The following ALOX12B variants were observed in gnomAD, a reference collection of about 807,000 sequenced individuals.
The protein encoded by ALOX12B is arachidonate 12-lipoxygenase, 12R-type.
ALOX12B carries 47 observed loss-of-function variants against 78.9 expected under a neutral mutation model. The observed-to-expected ratio is 0.60, with a 90% CI of 0.47 to 0.76. The LOEUF is 0.76. ALOX12B is among the 30% of genes least tolerant of loss of function. The probability of loss-of-function intolerance (pLI) is 0.00; values close to 1 mark genes in which losing one functional copy is unlikely to be tolerated. For missense variants in ALOX12B, 805 were observed against 922.6 expected (o/e 0.87, Z 1.65); for synonymous variants, 370 against 374.5 (o/e 0.99, Z 0.14).
rs554804700 is a variant in ALOX12B at position 8,087,088 on chromosome 17, G to C, written c.147+208C>G. Among the ~76,000 whole-genome samples, 10 of 152,256 alleles carry C rather than the reference G, an allele frequency of 6.6e-5. No individual in the cohort carries two copies. The South Asian group carries it at 2.1e-3, about 32-fold the overall frequency. On this transcript the variant is annotated intron_variant, in intron 1 of 14. Transcript: ENST00000647874. ...GCTGGAAGCCAGCTCTGGACAAGGC[G>C]TGTAGAGCCACTGGGGAGCCCACTG...
chr17:8,081,322 G>C lies in ALOX12B; in HGVS notation c.353-135C>G, dbSNP rs377561506. 25 of 815,900 alleles carry C rather than the reference G, an allele frequency of 3.1e-5. No individual in the cohort carries two copies. The South Asian group carries it at 3.3e-4, about 11-fold the overall frequency. 50.5% of individuals were successfully genotyped at this position (815,900 alleles called of 1,614,324 possible). ...CCAAGGAGTGGGAAGGCTCACCTTG[G>C]GAGAGTGAAGGTGCGTCCTGTCCGG... is the stretch of plus-strand genomic sequence containing the variant. On this transcript the variant is annotated intron_variant, in intron 2 of 14. Coordinates refer to ENST00000647874, the MANE Select transcript of ALOX12B (RefSeq NM_001139.3).
rs149967531 is a variant in ALOX12B, at chr17:8,075,656, C to T, written c.1593G>A (p.Pro531=). The change falls in exon 12 of 15, where the codon CCG becomes CCA. Residue 531 remains proline (P), a synonymous_variant. Transcript: ENST00000647874. ...TTTCCTGCACCCAAGACTGCAATTC[C>T]GGATCACCCTCCACGGCTGCGTCAC... ...YPSDAAVEGD[P]ELQSWVQEIF... 1.5e-4 allele frequency: 237 copies of T among 1,614,050 alleles called. 1 individual carries two copies. Among genetic ancestry groups the T allele is most frequent in the Non-Finnish European group, 1.8e-4 (215 of 1,180,042 alleles).
chr17:8,073,341 G>A, intron 13 of ALOX12B, 23 bp from the exon 14 acceptor site: 1 of 1,613,912 alleles, frequency 6.2e-7, no homozygotes, highest in Non-Finnish European at 8.5e-7. Context: ...TAGAGGCGCG[G>A]GTCTGGGTGG....
At chr17:8,078,889 T>C (rs940809760) in intron 8 of ALOX12B, among the ~76,000 whole-genome samples, 1 of 137,062 alleles carries the variant, frequency 7.3e-6, no homozygotes, top group Non-Finnish European at 1.5e-5. Context: ...ATGTAAATAC[T>C]GGGACTTTTT....
chr17:8,086,346 A>C, intron 1 of ALOX12B, 126 bp from the exon 2 acceptor site: 1 of 958,782 alleles, frequency 1.0e-6, no homozygotes, highest in Non-Finnish European at 1.6e-6. Context: ...GGACTGACGG[A>C]GGGACAGGAT....
chr17:8,082,183 C>T (rs1451963652), intron 2 of ALOX12B, among the ~76,000 whole-genome samples: 7 of 152,230 alleles, frequency 4.6e-5, no homozygotes, highest in African/African-American at 9.6e-5. Context: ...GTGTGAATAG[C>T]GCCACAATAA....
intron 11 of ALOX12B, 122 bp downstream of exon 11, chr17:8,076,053 C>A: frequency 1.9e-5 from 25 of 1,344,770 alleles, no homozygotes; most frequent in Non-Finnish European, 2.6e-5. Context: ...CAGGCCCCTT[C>A]CCCAAGGCCA....
chr17:8,087,518 C>T lies in ALOX12B; in HGVS notation c.-76G>A. ...GGGCCACACGAAGGCCCAAGGCAGGCAAGAGAAGCCAGGCACAGAGTGGAG... is the reference window on the plus strand; with the variant it reads ...GGGCCACACGAAGGCCCAAGGCAGGTAAGAGAAGCCAGGCACAGAGTGGAG... On this transcript the variant is annotated 5_prime_UTR_variant, in exon 1 of 15. Coordinates refer to ENST00000647874, the MANE Select transcript of ALOX12B (RefSeq NM_001139.3). 6.2e-7 allele frequency: 1 copy of T among 1,606,566 alleles called. No individual in the cohort carries two copies. The highest frequency in any genetic ancestry group is 8.5e-7 in the Non-Finnish European group (1 of 1,177,972).
intron 12 of ALOX12B, among the ~76,000 whole-genome samples, 164 bp from the exon 13 acceptor site, chr17:8,073,921 A>C (rs890095503): frequency 6.6e-6 from 1 of 152,010 alleles, no homozygotes; most frequent in African/African-American, 2.4e-5. Flanking sequence ...CAGCAACCCC[A>C]TCTCCCCTCA....
Position 8,080,298 on chromosome 17 carries a change from G to C in ALOX12B, c.691C>G (p.His231Asp). 1 of 1,614,238 alleles carries C rather than the reference G, an allele frequency of 6.2e-7. No homozygotes were observed. The highest frequency in any genetic ancestry group is 8.5e-7 in the Non-Finnish European group (1 of 1,180,050). ...ATGTCCTTCAGCCTCTTCCACGAAT[G>C]TTTGCAGTCCAACAGGCCGCGGACT... ...FKVRGLLDCKHSWKRLKDIRK... is the reference protein window; with the variant it reads ...FKVRGLLDCKDSWKRLKDIRK... The change falls in exon 6 of 15, where the codon CAT (histidine) becomes GAT (aspartate). Residue 231 changes from histidine (H) to aspartate (D), a missense_variant. By Grantham distance (81) the His-to-Asp change is moderately conservative (BLOSUM62 -1). Coordinates refer to ENST00000647874, the MANE Select transcript of ALOX12B (RefSeq NM_001139.3). This position sits in a 1 kb window ranked among gnomAD's most constrained non-coding sequence, Gnocchi z 4.8.
intron 12 of ALOX12B, among the ~76,000 whole-genome samples, chr17:8,074,865 G>A (rs559698973): frequency 4.6e-5 from 7 of 152,314 alleles, no homozygotes; most frequent in Non-Finnish European, 1.0e-4. Context: ...GCTCCCATGC[G>A]GAACTCTCCG....
intron 8 of ALOX12B, among the ~76,000 whole-genome samples, chr17:8,078,807 A>C (rs752980107): frequency 1.3e-5 from 2 of 152,062 alleles, no homozygotes; most frequent in Non-Finnish European, 2.9e-5. Flanking sequence ...ATGAACTAGA[A>C]AAATGTGCCC....
rs749598763 is a variant in ALOX12B, at chr17:8,080,074, C to T, written c.755-133G>A. The T allele has an allele frequency of 1.3e-6, 2 of 1,486,486 alleles. No homozygotes were observed. Among genetic ancestry groups the T allele is most frequent in the African/African-American group, 1.4e-5 (1 of 72,314 alleles). The allele number at this position is 1,486,486 out of a possible 1,614,324, so 92.1% of individuals were successfully genotyped here. ...ACGAGGCCCCCAGCCTGGCGCTGAG[C>T]GGCCGGAGGAGCCCGGTGCGACATT... On this transcript the variant is annotated intron_variant, in intron 6 of 14. Transcript: ENST00000647874. This position sits in a 1 kb window ranked among gnomAD's most constrained non-coding sequence, Gnocchi z 4.8.
At position 8,076,361 on chromosome 17, in the gene ALOX12B, A is replaced by G. The variant is rs377210897; in HGVS notation, c.1363-17T>C. 3.8e-6 allele frequency: 6 copies of G among 1,583,512 alleles called. No individual in the cohort carries two copies. The African/African-American group carries it at 8.1e-5, about 21-fold the overall frequency. ...GGACATGCCCTGTGAGGAAGGAGGCAGATCCTGGAGCCGGACAGGCATCCC... is the reference window on the plus strand; with the variant it reads ...GGACATGCCCTGTGAGGAAGGAGGCGGATCCTGGAGCCGGACAGGCATCCC... On this transcript the variant is annotated splice_polypyrimidine_tract_variant and intron_variant, in intron 10 of 14. Transcript: ENST00000647874.
At chr17:8,081,377 C>T in intron 2 of ALOX12B, 190 bp from the exon 3 acceptor site, 2 of 668,462 alleles carry the variant, frequency 3.0e-6, no homozygotes, top group South Asian at 3.3e-5. Context: ...CACGGACCCA[C>T]CCTCTTTCCT....
chr17:8,077,257 C>G, intron 8 of ALOX12B, 64 bp from the exon 9 acceptor site: 1 of 1,495,946 alleles, frequency 6.7e-7, no homozygotes, highest in Non-Finnish European at 9.1e-7. Context: ...AAGGCCCCAC[C>G]GCAGGAAGGA....
rs770975614 is a variant in ALOX12B at position 8,086,132 on chromosome 17, T to C, written c.236A>G (p.Lys79Arg). 4 of 1,614,148 alleles carry C rather than the reference T, an allele frequency of 2.5e-6. No individual in the cohort carries two copies. The highest frequency in any genetic ancestry group is 1.1e-5 in the South Asian group (1 of 91,070). Residue 79 changes from lysine to arginine, a missense_variant, in exon 2 of 15, where the codon AAG (lysine) becomes AGG (arginine). Lys to Arg is a conservative substitution (Grantham distance 26). Transcript: ENST00000647874. ...CACATAGTTGCAGTACCAAGGGTCC[T>C]TGGGGAAGAAGGCGTACCGCTCTTT... is the stretch of plus-strand genomic sequence containing the variant. Reference protein sequence around the residue: ...LHKERYAFFPKDPWYCNYVQI... With the variant: ...LHKERYAFFPRDPWYCNYVQI...
Position 8,080,266 on chromosome 17 carries a change from T to G in ALOX12B, c.723A>C (p.Lys241Asn). ...CGACAGATTTCTTGCCAGGGAAAAT[T>G]TTCCTAATGTCCTTCAGCCTCTTCC... ...HSWKRLKDIRKIFPGKKSVVS... is the reference protein window; with the variant it reads ...HSWKRLKDIRNIFPGKKSVVS... Residue 241 changes from lysine (K) to asparagine (N), a missense_variant, in exon 6 of 15, where the codon AAA becomes AAC. Physicochemically the swap from Lys to Asn is moderately conservative, Grantham distance 94. Coordinates refer to ENST00000647874, the MANE Select transcript of ALOX12B (RefSeq NM_001139.3). This position sits in a 1 kb window ranked among gnomAD's most constrained non-coding sequence, Gnocchi z 4.8. The G allele has an allele frequency of 6.2e-7, 1 of 1,614,164 alleles. No homozygotes were observed. Among genetic ancestry groups the G allele is most frequent in the Non-Finnish European group, 8.5e-7 (1 of 1,180,016 alleles).
chr17:8,086,836 G>A (rs1490309250), intron 1 of ALOX12B, among the ~76,000 whole-genome samples: 2 of 152,134 alleles, frequency 1.3e-5, no homozygotes, highest in African/African-American at 2.4e-5. Flanking sequence ...AGAGGGATGC[G>A]GGAGAGGGGG....
Sources: gnomAD v4.1 joint callset for allele counts (sites outside exome capture counted in the v4.1 genomes callset) on GRCh38, gnomAD v4.1.1 for gene constraint, Gnocchi (gnomAD v3.1) non-coding constraint, MANE v1.5 for transcripts, NCBI Gene and HGNC (gene_info 2026-07-23, HGNC 2026-07-21) for gene names.